Variants in MRPL49 observed in about 807,000 individuals in gnomAD.
MRPL49 encodes the protein mitochondrial ribosomal protein L49, also known as large ribosomal subunit protein mL49.
A neutral mutation model predicts 18.4 loss-of-function variants in MRPL49; 14 were observed. The observed-to-expected ratio is 0.76, with a 90% confidence interval of 0.50 to 1.19. The LOEUF is 1.19. Ranked by LOEUF, MRPL49 falls within the 50% of genes most tolerant of loss-of-function variation. The pLI is 0.00. For synonymous variants in MRPL49, 104 were observed against 86.2 expected (o/e 1.21, Z -1.14); for missense variants, 190 against 217.8 (o/e 0.87, Z 0.80).
chr11:65,125,499 A>C lies in MRPL49; in HGVS notation c.241A>C (p.Asn81His). 1 of 1,613,756 alleles carries C rather than the reference A, an allele frequency of 6.2e-7. No homozygotes were observed. The highest frequency in any genetic ancestry group is 2.2e-5 in the East Asian group (1 of 44,868). ...TTTCCCTGTTGCAGACCCCCCACCC[A>C]ACCTGCCTTACTTTGTACGACGCTC... ...GWQPPRDPPP[N>H]LPYFVRRSRM... The change falls in exon 3 of 4, where the codon AAC (asparagine) becomes CAC (histidine). Residue 81 changes from asparagine to histidine, a missense_variant. Coordinates refer to ENST00000279242, the MANE Select transcript of MRPL49 (RefSeq NM_004927.4).
chr11:65,124,480 T>C, intron 1 of MRPL49, 22 bp from the exon 2 acceptor site: 1 of 1,610,614 alleles, frequency 6.2e-7, no homozygotes, highest in Non-Finnish European at 8.5e-7. Context: ...AATGGAGAAA[T>C]GGGATTTTTG....
In MRPL49 at chr11:65,122,421, G is replaced by C. The variant is rs756509176; in HGVS notation, c.75G>C (p.Leu25=). 2.5e-6 allele frequency: 4 copies of C among 1,611,822 alleles called. No homozygotes were observed. Among genetic ancestry groups the C allele is most frequent in the East Asian group, 4.5e-5 (2 of 44,818 alleles). The change falls in exon 1 of 4, where the codon CTG becomes CTC. Residue 25 remains leucine, a synonymous_variant. Coordinates refer to ENST00000279242, the MANE Select transcript of MRPL49 (RefSeq NM_004927.4). The stretch of plus-strand genomic sequence containing the variant: ...TCCAGCGGGGCTGCGGGCTACGGCT[G>C]TTGGTGAGAGCGCTGAGCGAGGAGC... ...TGVQRGCGLR[L]LSQTQGPPDY... is the part of the protein sequence containing the mutation.
upstream of MRPL49, chr11:65,122,230 A>C: frequency 9.2e-7 from 1 of 1,091,934 alleles, no homozygotes; most frequent in Non-Finnish European, 1.3e-6. Flanking sequence ...CGCCCAAGGC[A>C]GTCCTAGCTC....
chr11:65,122,207 C>G (rs1032679542), upstream of MRPL49: 3 of 865,374 alleles, frequency 3.5e-6, no homozygotes, highest in Non-Finnish European at 5.3e-6. Flanking sequence ...GCGCGGTTCC[C>G]TGCTATTTGT....
rs1472093346 is a variant in MRPL49, at chr11:65,124,380, C to T, written c.79-122C>T. The T allele has an allele frequency of 1.9e-5, 19 of 999,998 alleles. No individual in the cohort carries two copies. The Admixed American group carries it at 2.9e-4, about 15-fold the overall frequency. 61.9% of individuals were successfully genotyped at this position (999,998 alleles called of 1,614,324 possible). A position where few individuals can be genotyped will look rare whatever the true frequency, so the allele number is the denominator to read the frequency against. ...TTGATTCTGATAGCTTTCACACCGT[C>T]GCCCAGCCTTTTATTTATGTCATTC... On this transcript the variant is annotated intron_variant, in intron 1 of 3. Coordinates refer to ENST00000279242, the MANE Select transcript of MRPL49 (RefSeq NM_004927.4).
upstream of MRPL49, chr11:65,122,306 CAG>C (rs759581671): frequency 1.2e-6 from 2 of 1,603,028 alleles, no homozygotes; most frequent in South Asian, 2.2e-5. Flanking sequence ...GGGGCGGGAC[CAG>C]ACAGTTGCGC....
chr11:65,122,597 TG>T (rs1948062850), intron 1 of MRPL49, 173 bp downstream of exon 1: 1 of 620,944 alleles, frequency 1.6e-6, no homozygotes, highest in Admixed American at 2.8e-5. Flanking sequence ...AATGGTAGAC[TG>T]GGGTGCTCTT....
In MRPL49 at chr11:65,126,281, C is replaced by G. The variant is rs1050035352; in HGVS notation, c.*409C>G. The G allele has an allele frequency of 6.4e-6, 1 of 157,284 alleles. No homozygotes were observed. The highest frequency in any genetic ancestry group is 2.4e-5 in the African/African-American group (1 of 41,528). The allele number at this position is 157,284 out of a possible 1,614,324, so 9.7% of individuals were successfully genotyped here. ...TCTTGAGTAGCTGGGATTACAGGCGCCCACCACCACAGCCTGCTAATTTTT... is the reference window on the plus strand; with the variant it reads ...TCTTGAGTAGCTGGGATTACAGGCGGCCACCACCACAGCCTGCTAATTTTT... On this transcript the variant is annotated 3_prime_UTR_variant, in exon 4 of 4. Transcript: ENST00000279242.
chr11:65,126,921 C>T lies in MRPL49; in HGVS notation c.*1049C>T. The T allele has an allele frequency of 1.5e-6, 1 of 645,760 alleles. No individual in the cohort carries two copies. Among genetic ancestry groups the T allele is most frequent in the East Asian group, 2.8e-5 (1 of 36,022 alleles). The allele number at this position is 645,760 out of a possible 1,614,324, so 40.0% of individuals were successfully genotyped here. On this transcript the variant is annotated 3_prime_UTR_variant, in exon 4 of 4. Transcript: ENST00000279242. ...CAGGCAGGAATATGCTGACCTTTCA[C>T]CCTGCCATCCCATCCCAACCCCAGC...
At position 65,126,891 on chromosome 11, in the gene MRPL49, G is replaced by A. The variant is rs943858339; in HGVS notation, c.*1019G>A. On this transcript the variant is annotated 3_prime_UTR_variant, in exon 4 of 4. Transcript: ENST00000279242. ...GACCTGCAATCAAGGCTGGGGAGGGGTTTGCAGGCAGGAATATGCTGACCT... is the reference window on the plus strand; with the variant it reads ...GACCTGCAATCAAGGCTGGGGAGGGATTTGCAGGCAGGAATATGCTGACCT... 3.5e-5 allele frequency: 21 copies of A among 604,600 alleles called. No homozygotes were observed. The highest frequency in any genetic ancestry group is 5.7e-5 in the East Asian group (2 of 35,122). The allele number at this position is 604,600 out of a possible 1,614,324, so 37.5% of individuals were successfully genotyped here.
intron 2 of MRPL49, 172 bp downstream of exon 2, chr11:65,124,824 T>C (rs1948085108): frequency 1.5e-6 from 1 of 662,022 alleles, no homozygotes; most frequent in Non-Finnish European, 2.5e-6. Context: ...AGTGGAGCCT[T>C]CTGTTGTTCA....
Position 65,126,217 on chromosome 11 carries a change from C to T in MRPL49, c.*345C>T, listed in dbSNP as rs760245408. ...GTGGCATGATCTTGGCTCACTGCAA[C>T]TTCCACCTCTGGGATCAAGGGATTC... On this transcript the variant is annotated 3_prime_UTR_variant, in exon 4 of 4. Transcript: ENST00000279242. 1.7e-5 allele frequency: 3 copies of T among 174,940 alleles called. No individual in the cohort carries two copies. Among genetic ancestry groups the T allele is most frequent in the Non-Finnish European group, 2.4e-5 (2 of 83,530 alleles). The allele number at this position is 174,940 out of a possible 1,614,324, so 10.8% of individuals were successfully genotyped here. A position where few individuals can be genotyped will look rare whatever the true frequency, so the allele number is the denominator to read the frequency against.
chr11:65,124,588 C>A lies in MRPL49; in HGVS notation c.165C>A (p.Thr55=), dbSNP rs1054092190. 17 of 1,614,064 alleles carry A rather than the reference C, an allele frequency of 1.1e-5. No homozygotes were observed. Among genetic ancestry groups the A allele is most frequent in the African/African-American group, 1.3e-5 (1 of 74,918 alleles). The change falls in exon 2 of 4, where the codon ACC becomes ACA. Residue 55 remains threonine (T), a synonymous_variant. Transcript: ENST00000279242. ...YQFVERLLPA[T]RIPDPPKHEH... ...TTGTGGAGCGCCTGTTACCGGCTAC[C>A]AGGATCCCAGATCCCCCAAAGCATG...
intron 2 of MRPL49, 168 bp downstream of exon 2, chr11:65,124,820 G>A (rs751257573): frequency 2.9e-6 from 2 of 678,284 alleles, no homozygotes; most frequent in Non-Finnish European, 4.7e-6. Flanking sequence ...GAGGAGTGGA[G>A]CCTTCTGTTG....
chr11:65,126,963 A>G lies in MRPL49; in HGVS notation c.*1091A>G. On this transcript the variant is annotated 3_prime_UTR_variant, in exon 4 of 4. Coordinates refer to ENST00000279242, the MANE Select transcript of MRPL49 (RefSeq NM_004927.4). ...AACCCCAGCTCACTAGCCTTCATAT[A>G]TGCCTTATACTTGGAGTCACAGGGG... 1.5e-6 allele frequency: 1 copy of G among 674,428 alleles called. No homozygotes were observed. Among genetic ancestry groups the G allele is most frequent in the Non-Finnish European group, 2.7e-6 (1 of 370,040 alleles). 41.8% of individuals were successfully genotyped at this position (674,428 alleles called of 1,614,324 possible).
At position 65,126,736 on chromosome 11, in the gene MRPL49, G is replaced by T; in HGVS notation, c.*864G>T. 2.1e-6 allele frequency: 1 copy of T among 469,166 alleles called. No individual in the cohort carries two copies. 29.1% of individuals were successfully genotyped at this position (469,166 alleles called of 1,614,324 possible). A position where few individuals can be genotyped will look rare whatever the true frequency, so the allele number is the denominator to read the frequency against. On this transcript the variant is annotated 3_prime_UTR_variant, in exon 4 of 4. Transcript: ENST00000279242. The stretch of plus-strand genomic sequence containing the variant: ...GGCACAGAGTGCCCACGTTAGCCCC[G>T]GGCTCTGATAGAGAGGTAGGAGGCA...
At chr11:65,124,674 G>T (rs753689147) in intron 2 of MRPL49, 22 bp downstream of exon 2, 1 of 1,612,204 alleles carries the variant, frequency 6.2e-7, no homozygotes, top group South Asian at 1.1e-5. Flanking sequence ...GGTTAGGGAT[G>T]ATTTGAAAGC....
chr11:65,125,751 T>C lies in MRPL49; in HGVS notation c.380T>C (p.Phe127Ser). 3 of 1,613,828 alleles carry C rather than the reference T, an allele frequency of 1.9e-6. No individual in the cohort carries two copies. The highest frequency in any genetic ancestry group is 2.5e-6 in the Non-Finnish European group (3 of 1,179,994). The change falls in exon 4 of 4, where the codon TTT (phenylalanine) becomes TCT (serine). Residue 127 changes from phenylalanine to serine, a missense_variant. Coordinates refer to ENST00000279242, the MANE Select transcript of MRPL49 (RefSeq NM_004927.4). ...IWALQKDVED[F>S]LSPLLGKTPV... ...GCCCTGCAGAAAGACGTGGAAGATT[T>C]TCTGAGCCCGCTGCTGGGGAAGACA... is the stretch of plus-strand genomic sequence containing the variant.
rs1948098203 is a variant in MRPL49 at position 65,126,064 on chromosome 11, T to C, written c.*192T>C. The C allele has an allele frequency of 3.5e-6, 2 of 577,922 alleles. No individual in the cohort carries two copies. The highest frequency in any genetic ancestry group is 5.8e-6 in the Non-Finnish European group (2 of 342,688). The allele number at this position is 577,922 out of a possible 1,614,324, so 35.8% of individuals were successfully genotyped here. A position where few individuals can be genotyped will look rare whatever the true frequency, so the allele number is the denominator to read the frequency against. On this transcript the variant is annotated 3_prime_UTR_variant, in exon 4 of 4. Coordinates refer to ENST00000279242, the MANE Select transcript of MRPL49 (RefSeq NM_004927.4). ...GTACATGCTGGGGGAGAGTGCCTAA[T>C]GTGGGAGACCAAATAGGGATCACCA...
Sources: gnomAD v4.1 joint callset for allele counts on GRCh38, gnomAD v4.1.1 for gene constraint, MANE v1.5 for transcripts, NCBI Gene and HGNC (gene_info 2026-07-23, HGNC 2026-07-21) for gene names.